The following CCDC134 variants were observed in gnomAD, a reference collection of about 807,000 sequenced individuals.
CCDC134 encodes coiled-coil domain containing 134.
CCDC134 carries 27 observed loss-of-function variants against 25.6 expected under a neutral mutation model. That is an observed-to-expected ratio of 1.05 (90% confidence interval 0.78 to 1.45). The LOEUF (loss-of-function observed/expected upper bound fraction) is 1.45, where lower values mean the gene tolerates loss of function less well. CCDC134 is among the 40% of genes most tolerant of loss of function. The pLI, the probability that CCDC134 is intolerant of heterozygous loss-of-function variation, is 0.00. For synonymous variants in CCDC134, 110 were observed against 115.0 expected, an observed-to-expected ratio of 0.96 and a Z score of 0.28; for missense variants, 261 against 286.7, an observed-to-expected ratio of 0.91 and a Z score of 0.65.
In CCDC134 at chr22:41,831,708, C is replaced by G. The variant is rs2076712195; in HGVS notation, c.*5885C>G. On this transcript the variant is annotated 3_prime_UTR_variant, in exon 7 of 7. Transcript: ENST00000255784. ...CTTCTTGACAGCACAAGTCAGGGCC[C>G]TTGTTAGTTTCATCACATCCATTAC... 2 of 152,202 alleles carry G rather than the reference C, an allele frequency of 1.3e-5. No individual in the cohort carries two copies. Among genetic ancestry groups the G allele is most frequent in the African/African-American group, 4.8e-5 (2 of 41,436 alleles). 9.4% of individuals were successfully genotyped at this position (152,202 alleles called of 1,614,324 possible).
intron 6 of CCDC134, among the ~76,000 whole-genome samples, chr22:41,824,973 G>A (rs2076669300): frequency 6.6e-6 from 1 of 152,090 alleles, no homozygotes; most frequent in Non-Finnish European, 1.5e-5. Context: ...TGATGGACCC[G>A]AGGAGGGAGA....
intron 1 of CCDC134, among the ~76,000 whole-genome samples, chr22:41,804,029 A>T (rs1337511739): frequency 2.6e-5 from 4 of 152,056 alleles, no homozygotes; most frequent in Admixed American, 2.6e-4. Context: ...GTTACTCGGG[A>T]GGCTGAGGCA....
rs539542826 is a variant in CCDC134 at position 41,827,814 on chromosome 22, G to C, written c.*1991G>C. Among the ~76,000 whole-genome samples the C allele has an allele frequency of 9.8e-5, 15 of 152,356 alleles. No homozygotes were observed. Among genetic ancestry groups the C allele is most frequent in the African/African-American group, 3.1e-4 (13 of 41,586 alleles). On this transcript the variant is annotated 3_prime_UTR_variant, in exon 7 of 7. Coordinates refer to ENST00000255784, the MANE Select transcript of CCDC134 (RefSeq NM_024821.5). ...AGCTGTTTAACCTGTCCTGGTGCCA[G>C]CAGCTGGAGCTGGGTGTCAGGACCA... is the stretch of plus-strand genomic sequence containing the variant.
chr22:41,808,962 G>A lies in CCDC134; in HGVS notation c.72G>A (p.Leu24=). The A allele has an allele frequency of 6.2e-7, 1 of 1,614,212 alleles. No individual in the cohort carries two copies. The highest frequency in any genetic ancestry group is 2.2e-5 in the East Asian group (1 of 44,878). Residue 24 remains leucine, a synonymous_variant, in exon 2 of 7, where the codon TTG becomes TTA. Coordinates refer to ENST00000255784, the MANE Select transcript of CCDC134 (RefSeq NM_024821.5). The part of the protein sequence containing the change: ...LLSGMGATGT[L]RTSLDPSLEI... ...CTGGGATGGGAGCCACAGGCACCTT[G>A]AGGACCTCCCTGGACCCAAGCCTGG...
At chr22:41,815,124 A>T (rs2076616241) in intron 6 of CCDC134, among the ~76,000 whole-genome samples, 1 of 151,598 alleles carries the variant, frequency 6.6e-6, no homozygotes, top group Non-Finnish European at 1.5e-5. Context: ...GCTCAGGGCC[A>T]TGATGGATTG....
At chr22:41,802,453 C>T (rs900014218) in intron 1 of CCDC134, among the ~76,000 whole-genome samples, 6 of 152,040 alleles carry the variant, frequency 3.9e-5, no homozygotes, top group Non-Finnish European at 5.9e-5. Context: ...CAGGGGCTCA[C>T]GTCTGTAATC....
chr22:41,826,252 G>T lies in CCDC134; in HGVS notation c.*429G>T. The T allele has an allele frequency of 6.0e-6, 1 of 167,680 alleles. No homozygotes were observed. Among genetic ancestry groups the T allele is most frequent in the Non-Finnish European group, 1.3e-5 (1 of 77,044 alleles). The allele number at this position is 167,680 out of a possible 1,614,324, so 10.4% of individuals were successfully genotyped here. ...ACAGAGCTGCCTGGCACAGGTCCCA[G>T]CCCCTCTGCAGAGACACAATAAAAG... On this transcript the variant is annotated 3_prime_UTR_variant, in exon 7 of 7. Transcript: ENST00000255784.
rs752599359 is a variant in CCDC134 at position 41,825,432 on chromosome 22, C to T, written c.565-266C>T. The stretch of plus-strand genomic sequence containing the variant: ...CTGGAGGAGTCTGTGTGTTGTTTCT[C>T]AGATGCCCCATGTAGGTTCCCACCT... On this transcript the variant is annotated intron_variant, in intron 6 of 6. Transcript: ENST00000255784. This position sits in a 1 kb window ranked among gnomAD's most constrained non-coding sequence, Gnocchi z 4.4. Among the ~76,000 whole-genome samples, 2 of 152,130 alleles carry T rather than the reference C, an allele frequency of 1.3e-5. No homozygotes were observed. The highest frequency in any genetic ancestry group is 2.9e-5 in the Non-Finnish European group (2 of 68,010).
At chr22:41,818,233 C>T (rs1160093217) in intron 6 of CCDC134, among the ~76,000 whole-genome samples, 6 of 152,142 alleles carry the variant, frequency 3.9e-5, no homozygotes, top group Non-Finnish European at 8.8e-5. Flanking sequence ...GTTGTAACAA[C>T]GTGTTTAAAA....
In CCDC134 at chr22:41,813,451, G is replaced by A. The variant is rs1424170192; in HGVS notation, c.492+6G>A. On this transcript the variant is annotated splice_donor_region_variant and intron_variant, in intron 5 of 6. Coordinates refer to ENST00000255784, the MANE Select transcript of CCDC134 (RefSeq NM_024821.5). ...ACTCGCCCATCCTCAGCCTGGTAAG[G>A]ACTGGGGTGGAGGTGGCCCGGGAGC... 2 of 1,614,156 alleles carry A rather than the reference G, an allele frequency of 1.2e-6. No homozygotes were observed. The highest frequency in any genetic ancestry group is 2.2e-5 in the East Asian group (1 of 44,892).
chr22:41,823,334 C>G (rs533632450), intron 6 of CCDC134, among the ~76,000 whole-genome samples: 1 of 151,138 alleles, frequency 6.6e-6, no homozygotes, highest in South Asian at 2.1e-4. Context: ...AGGTGATTCT[C>G]CTGTCTCAGC....
chr22:41,819,033 C>T (rs911133890), intron 6 of CCDC134, among the ~76,000 whole-genome samples: 1 of 152,200 alleles, frequency 6.6e-6, no homozygotes, highest in Non-Finnish European at 1.5e-5. Context: ...GACATAACCA[C>T]AGCAGCAACA....
Position 41,816,533 on chromosome 22 carries a change from G to T in CCDC134, c.564+2711G>T, listed in dbSNP as rs544371694. Among the ~76,000 whole-genome samples the T allele has an allele frequency of 4.6e-5, 7 of 152,358 alleles. No individual in the cohort carries two copies. The South Asian group carries it at 1.4e-3, about 32-fold the overall frequency. ...GACAGCTGCAGCTGCCACTGGGCTTGGGCAGACCCTAGGATTGTTTTGCCA... is the reference window on the plus strand; with the variant it reads ...GACAGCTGCAGCTGCCACTGGGCTTTGGCAGACCCTAGGATTGTTTTGCCA... On this transcript the variant is annotated intron_variant, in intron 6 of 6. Transcript: ENST00000255784.
chr22:41,805,405 G>A (rs149087375), intron 1 of CCDC134, among the ~76,000 whole-genome samples: 16 of 152,046 alleles, frequency 1.1e-4, no homozygotes, highest in African/African-American at 3.9e-4. Flanking sequence ...GTACTCCAGA[G>A]GGAGACCCTG....
rs543032502 is a variant in CCDC134 at position 41,822,779 on chromosome 22, G to A, written c.565-2919G>A. Among the ~76,000 whole-genome samples the A allele has an allele frequency of 3.9e-5, 6 of 152,332 alleles. No individual in the cohort carries two copies. The South Asian group carries it at 1.2e-3, about 32-fold the overall frequency. ...ATTCACTCACAGAGACAGGAGCAGA[G>A]TGTGGTAGGGAAGTACTAGGCAGGG... On this transcript the variant is annotated intron_variant, in intron 6 of 6. Transcript: ENST00000255784.
In CCDC134 at chr22:41,813,226, G is replaced by A. The variant is rs765426319; in HGVS notation, c.311-38G>A. On this transcript the variant is annotated intron_variant, in intron 4 of 6. Transcript: ENST00000255784. ...AGGGGCCAGTGAGGCAGCCAGGAGA[G>A]CATCTGCCCTGGCCACTCATCAGGG... 1.9e-6 allele frequency: 3 copies of A among 1,606,654 alleles called. No individual in the cohort carries two copies. In the South Asian group the frequency reaches 3.3e-5, roughly 18 times the overall value.
chr22:41,828,670 C>T lies in CCDC134; in HGVS notation c.*2847C>T, dbSNP rs184866168. On this transcript the variant is annotated 3_prime_UTR_variant, in exon 7 of 7. Transcript: ENST00000255784. ...GAGTCTTACTGCAGACAGAGCCCAC[C>T]CCCTGAGCTGTAAAGGCCCTAGGGC... Among the ~76,000 whole-genome samples, 9 of 152,128 alleles carry T rather than the reference C, an allele frequency of 5.9e-5. No homozygotes were observed. In the East Asian group the frequency reaches 1.7e-3, roughly 29 times the overall value.
chr22:41,810,466 G>A (rs1238540276), intron 4 of CCDC134, among the ~76,000 whole-genome samples, 175 bp downstream of exon 4: 2 of 149,586 alleles, frequency 1.3e-5, no homozygotes, highest in Non-Finnish European at 3.0e-5. Context: ...TAATTAACTG[G>A]CTACTTTTTA....
intron 6 of CCDC134, among the ~76,000 whole-genome samples, chr22:41,816,445 C>T (rs1208444211): frequency 6.6e-6 from 1 of 152,216 alleles, no homozygotes; most frequent in African/African-American, 2.4e-5. Flanking sequence ...TCAGTACTGA[C>T]GTGTCCATGT....
Sources: gnomAD v4.1 joint callset for allele counts (sites outside exome capture counted in the v4.1 genomes callset) on GRCh38, gnomAD v4.1.1 for gene constraint, Gnocchi (gnomAD v3.1) non-coding constraint, MANE v1.5 for transcripts, NCBI Gene and HGNC (gene_info 2026-07-23, HGNC 2026-07-21) for gene names.